Variants in GRM5 observed in about 807,000 individuals in gnomAD.
GRM5 encodes glutamate metabotropic receptor 5.
Under a neutral mutation model 83.1 loss-of-function variants are expected in GRM5, and 19 were observed. The ratio of observed to expected loss-of-function variants is 0.23; its 90% CI spans 0.16 to 0.34. GRM5 has a LOEUF of 0.34. Ranked by LOEUF, GRM5 falls within the 10% of genes least tolerant of loss-of-function variation. GRM5 has a pLI of 1.00. For synonymous variants in GRM5, 675 were observed against 633.6 expected, an observed-to-expected ratio of 1.07 and a Z score of -0.98; for missense variants, 1,160 against 1,588.3, an observed-to-expected ratio of 0.73 and a Z score of 4.58.
intron 2 of GRM5, among the ~76,000 whole-genome samples, chr11:88,900,302 A>G (rs1945295002): frequency 6.6e-6 from 1 of 152,202 alleles, no homozygotes; most frequent in African/African-American, 2.4e-5. Flanking sequence ...TCCATGGCAC[A>G]AGCACTCCTA....
intron 3 of GRM5, among the ~76,000 whole-genome samples, chr11:88,729,445 A>G (rs1024585296): frequency 1.3e-5 from 2 of 152,222 alleles, no homozygotes; most frequent in African/African-American, 4.8e-5. Context: ...GAAAATGGCC[A>G]TATTTCCCAA....
intron 2 of GRM5, among the ~76,000 whole-genome samples, chr11:88,924,113 A>G (rs569402211): frequency 7.1e-6 from 1 of 141,566 alleles, no homozygotes; most frequent in South Asian, 2.4e-4. Context: ...ATCACCTCAC[A>G]CCTGTTAGTA....
intron 4 of GRM5, among the ~76,000 whole-genome samples, chr11:88,646,456 A>C (rs567063206): frequency 6.6e-6 from 1 of 151,220 alleles, no homozygotes; most frequent in East Asian, 1.9e-4. Flanking sequence ...TTTAAGGGCC[A>C]TAGTAATATT....
chr11:88,586,991 A>G (rs1591366079), intron 7 of GRM5, among the ~76,000 whole-genome samples: 3 of 152,212 alleles, frequency 2.0e-5, no homozygotes, highest in Middle Eastern at 3.4e-3. Context: ...ACTCTCCATC[A>G]TTTTACTGGA....
chr11:88,707,340 A>G (rs1180139071), intron 3 of GRM5, among the ~76,000 whole-genome samples: 1 of 152,112 alleles, frequency 6.6e-6, no homozygotes, highest in African/African-American at 2.4e-5. Context: ...AAATAAATGG[A>G]TAGTGTCACT....
intron 5 of GRM5, among the ~76,000 whole-genome samples, chr11:88,598,675 G>A (rs967557942): frequency 2.0e-5 from 3 of 152,188 alleles, no homozygotes; most frequent in South Asian, 2.1e-4. Context: ...AAGAACTCAC[G>A]TATTATGTCA....
intron 4 of GRM5, among the ~76,000 whole-genome samples, chr11:88,618,397 T>C (rs1300415226): frequency 6.6e-6 from 1 of 152,208 alleles, no homozygotes; most frequent in Non-Finnish European, 1.5e-5. Context: ...CTTTAAATGA[T>C]TTAGTAGAAT....
chr11:88,942,644 C>G (rs966509531), intron 2 of GRM5, among the ~76,000 whole-genome samples: 1 of 151,700 alleles, frequency 6.6e-6, no homozygotes, highest in Admixed American at 6.6e-5. Flanking sequence ...TATGGGAAAA[C>G]TTTTAAGCTT....
intron 3 of GRM5, among the ~76,000 whole-genome samples, chr11:88,759,320 TCAG>T (rs1432439893): frequency 6.6e-6 from 1 of 152,102 alleles, no homozygotes; most frequent in Non-Finnish European, 1.5e-5. Context: ...TACGGTCTCT[TCAG>T]GAGACCCATC....
chr11:88,617,437 G>T (rs530350307), intron 4 of GRM5, among the ~76,000 whole-genome samples: 9 of 152,158 alleles, frequency 5.9e-5, no homozygotes, highest in Non-Finnish European at 1.3e-4. Flanking sequence ...TTCAGATTTA[G>T]ACTCAAAAGC....
chr11:88,960,584 A>G (rs950581855), intron 2 of GRM5, among the ~76,000 whole-genome samples: 2 of 152,202 alleles, frequency 1.3e-5, no homozygotes, highest in East Asian at 3.9e-4. Flanking sequence ...AGTCTTAAGA[A>G]TAGATAGTAG....
intron 2 of GRM5, among the ~76,000 whole-genome samples, chr11:88,979,001 C>T (rs955775709): frequency 6.6e-6 from 1 of 152,174 alleles, no homozygotes; most frequent in Non-Finnish European, 1.5e-5. Flanking sequence ...ACACCTCCTA[C>T]CGTCTTTAAA....
chr11:88,654,339 A>G (rs903891339), intron 3 of GRM5, among the ~76,000 whole-genome samples: 2 of 152,126 alleles, frequency 1.3e-5, no homozygotes, highest in African/African-American at 4.8e-5. Context: ...ATGTTTGTAT[A>G]CAATTTGGGT....
intron 3 of GRM5, among the ~76,000 whole-genome samples, chr11:88,787,780 TAAA>T (rs1340705094): frequency 6.6e-6 from 1 of 152,106 alleles, no homozygotes; most frequent in Non-Finnish European, 1.5e-5. Flanking sequence ...GCTTTGGTAA[TAAA>T]ATAATATCAT....
intron 9 of GRM5, among the ~76,000 whole-genome samples, chr11:88,521,730 T>C (rs891802221): frequency 6.6e-6 from 1 of 152,094 alleles, no homozygotes; most frequent in African/African-American, 2.4e-5. Flanking sequence ...AAAAAGCCTC[T>C]TCACATAAAG....
chr11:88,732,674 G>C (rs894315068), intron 3 of GRM5, among the ~76,000 whole-genome samples: 1 of 152,078 alleles, frequency 6.6e-6, no homozygotes, highest in Non-Finnish European at 1.5e-5. Context: ...CTCAGAATGA[G>C]TGTGAATATA....
At chr11:88,830,394 C>T (rs913220019) in intron 3 of GRM5, among the ~76,000 whole-genome samples, 1 of 151,992 alleles carries the variant, frequency 6.6e-6, no homozygotes, top group East Asian at 1.9e-4. Context: ...GTACTTGCCT[C>T]CTCCGCAAAA....
intron 2 of GRM5, among the ~76,000 whole-genome samples, chr11:88,950,153 C>A (rs919856045): frequency 6.6e-6 from 1 of 151,694 alleles, no homozygotes; most frequent in Non-Finnish European, 1.5e-5. Flanking sequence ...GGATTACAGG[C>A]GTGAGCCACC....
chr11:88,784,096 A>G (rs911297924), intron 3 of GRM5, among the ~76,000 whole-genome samples: 1 of 152,070 alleles, frequency 6.6e-6, no homozygotes, highest in African/African-American at 2.4e-5. Context: ...CACCATGGCC[A>G]TAATTTATCT....
Sources: gnomAD v4.1 joint callset for allele counts (sites outside exome capture counted in the v4.1 genomes callset) on GRCh38, gnomAD v4.1.1 for gene constraint, MANE v1.5 for transcripts, NCBI Gene and HGNC (gene_info 2026-07-23, HGNC 2026-07-21) for gene names.